The following LNPEP variants were observed in gnomAD, a reference collection of about 807,000 sequenced individuals.
The protein encoded by LNPEP is leucyl-cystinyl aminopeptidase.
Under a neutral mutation model 120.6 loss-of-function variants are expected in LNPEP, and 64 were observed. The observed-to-expected ratio is 0.53, with a 90% CI of 0.43 to 0.65. LNPEP has a LOEUF of 0.65. Among genes scored for constraint, LNPEP ranks in the 30% least tolerant of loss-of-function variants. The pLI is 0.00. For synonymous variants in LNPEP, 435 were observed against 425.4 expected (o/e 1.02, Z -0.28); for missense variants, 1,057 against 1,200.0 (o/e 0.88, Z 1.76).
In LNPEP at chr5:96,982,756, C is replaced by T. The variant is rs115326922; in HGVS notation, c.861-2324C>T. ...TGCAGTTTACCCAATTCGATAGCAA[C>T]AGTTATTTGGGCACACATCCTTAAC... On this transcript the variant is annotated intron_variant, in intron 2 of 17. Coordinates refer to ENST00000231368, the MANE Select transcript of LNPEP (RefSeq NM_005575.3). Among the ~76,000 whole-genome samples the T allele has an allele frequency of 5.9e-3, 898 of 152,194 alleles. 5 individuals are homozygous for T. Among genetic ancestry groups the T allele is most frequent in the South Asian group, 9.1e-3 (44 of 4,816 alleles).
chr5:96,961,278 TCA>T (rs1462444292), intron 1 of LNPEP, among the ~76,000 whole-genome samples: 1 of 152,194 alleles, frequency 6.6e-6, no homozygotes, highest in African/African-American at 2.4e-5. Flanking sequence ...ATTTTCAAAA[TCA>T]CCAGACAGAA....
At chr5:97,010,468 A>T in intron 11 of LNPEP, 1 of 985,344 alleles carries the variant, frequency 1.0e-6, no homozygotes. Context: ...GGGGTATTAG[A>T]GAAGGGAATG....
rs1326514298 is a variant in LNPEP at position 97,003,556 on chromosome 5, C to G, written c.1785+10C>G. ...GGATAGTTTTAATGAGGTAAGTGAC[C>G]TGGGTAATTTATTTAGCTCTTACTG... On this transcript the variant is annotated intron_variant, in intron 9 of 17. Coordinates refer to ENST00000231368, the MANE Select transcript of LNPEP (RefSeq NM_005575.3). The G allele has an allele frequency of 1.3e-6, 2 of 1,570,574 alleles. No homozygotes were observed. Among genetic ancestry groups the G allele is most frequent in the African/African-American group, 2.7e-5 (2 of 73,012 alleles).
chr5:96,985,997 T>C (rs1450151894), intron 3 of LNPEP, among the ~76,000 whole-genome samples: 1 of 152,134 alleles, frequency 6.6e-6, no homozygotes, highest in Non-Finnish European at 1.5e-5. Context: ...CTTTAATTTG[T>C]GGTTGGAAAA....
intron 1 of LNPEP, among the ~76,000 whole-genome samples, chr5:96,963,353 G>A (rs1369408978): frequency 6.6e-6 from 1 of 152,146 alleles, no homozygotes; most frequent in Non-Finnish European, 1.5e-5. Flanking sequence ...TCAACAGTTT[G>A]GATTATATTC....
At chr5:97,015,753 A>C (rs1368906247) in intron 13 of LNPEP, among the ~76,000 whole-genome samples, 2 of 152,132 alleles carry the variant, frequency 1.3e-5, no homozygotes, top group Non-Finnish European at 2.9e-5. Flanking sequence ...TTGCTTTATA[A>C]ACTAGTGAGA....
intron 4 of LNPEP, among the ~76,000 whole-genome samples, chr5:96,992,597 T>A (rs565726493): frequency 6.6e-6 from 1 of 152,138 alleles, no homozygotes; most frequent in Admixed American, 6.6e-5. Context: ...CCTGAAAGGA[T>A]GAAAATTTAG....
rs1791397942 is a variant in LNPEP at position 97,028,468 on chromosome 5, G to A, written c.3013G>A (p.Glu1005Lys). 3 of 1,613,882 alleles carry A rather than the reference G, an allele frequency of 1.9e-6. No individual in the cohort carries two copies. The highest frequency in any genetic ancestry group is 1.3e-5 in the African/African-American group (1 of 74,914). ...FRLRCVQEALEVIQLNIQWME... is the reference protein window; with the variant it reads ...FRLRCVQEALKVIQLNIQWME... ...GCTTCGTTGTGTCCAGGAGGCTTTGGAAGTCATTCAGTTGAATATCCAGTG... is the reference window on the plus strand; with the variant it reads ...GCTTCGTTGTGTCCAGGAGGCTTTGAAAGTCATTCAGTTGAATATCCAGTG... Residue 1005 changes from glutamate to lysine, a missense_variant, in exon 18 of 18, where the codon GAA (glutamate) becomes AAA (lysine). Transcript: ENST00000231368.
intron 1 of LNPEP, among the ~76,000 whole-genome samples, chr5:96,959,194 G>A (rs944540474): frequency 6.6e-6 from 1 of 152,096 alleles, no homozygotes; most frequent in African/African-American, 2.4e-5. Context: ...TGGACATTTT[G>A]GGGGCTGGGG....
At chr5:96,950,694 G>A (rs546210441) in intron 1 of LNPEP, among the ~76,000 whole-genome samples, 1 of 152,326 alleles carries the variant, frequency 6.6e-6, no homozygotes, top group East Asian at 1.9e-4. Context: ...GGATGTTTCT[G>A]TACTGATGTT....
intron 2 of LNPEP, among the ~76,000 whole-genome samples, chr5:96,981,664 G>A (rs899273102): frequency 1.3e-5 from 2 of 152,154 alleles, no homozygotes; most frequent in African/African-American, 2.4e-5. Flanking sequence ...CATATTTCTT[G>A]TTGATTGGAA....
chr5:96,979,217 G>A lies in LNPEP; in HGVS notation c.99G>A (p.Glu33=). 6.2e-7 allele frequency: 1 copy of A among 1,613,894 alleles called. No homozygotes were observed. The highest frequency in any genetic ancestry group is 8.5e-7 in the Non-Finnish European group (1 of 1,179,880). The change falls in exon 2 of 18, where the codon GAG becomes GAA. Residue 33 remains glutamate (E), a synonymous_variant. Coordinates refer to ENST00000231368, the MANE Select transcript of LNPEP (RefSeq NM_005575.3). ...EEPDVVDLAK[E]PCLHPLEPDE... is the part of the protein sequence containing the mutation. ...CAGATGTGGTGGATTTAGCCAAAGAGCCTTGTTTACATCCTCTAGAGCCTG... is the reference window on the plus strand; with the variant it reads ...CAGATGTGGTGGATTTAGCCAAAGAACCTTGTTTACATCCTCTAGAGCCTG...
chr5:96,957,461 G>T (rs1046670995), intron 1 of LNPEP, among the ~76,000 whole-genome samples: 2 of 152,108 alleles, frequency 1.3e-5, no homozygotes, highest in Non-Finnish European at 2.9e-5. Context: ...TAGAGTTGCG[G>T]TTGCTAATCA....
intron 1 of LNPEP, among the ~76,000 whole-genome samples, chr5:96,971,780 G>A (rs777406367): frequency 1.3e-5 from 2 of 150,914 alleles, no homozygotes; most frequent in Admixed American, 6.6e-5. Context: ...ATTTCCCCAC[G>A]GAGAGTCTCA....
intron 13 of LNPEP, among the ~76,000 whole-genome samples, chr5:97,016,730 A>T (rs1200456434): frequency 6.6e-6 from 1 of 152,014 alleles, no homozygotes; most frequent in East Asian, 1.9e-4. Flanking sequence ...AACTTAAGAG[A>T]TTTTTTTTAT....
At chr5:97,011,067 T>C in intron 11 of LNPEP, 1 of 985,462 alleles carries the variant, frequency 1.0e-6, no homozygotes, top group Non-Finnish European at 1.2e-6. Context: ...GTTTACAACA[T>C]GGCAAGCTGC....
intron 14 of LNPEP, among the ~76,000 whole-genome samples, chr5:97,024,055 G>A (rs1401307066): frequency 6.6e-6 from 1 of 152,144 alleles, no homozygotes. Context: ...GAAGAGTTGG[G>A]GTGGAGGATT....
chr5:96,968,614 G>A (rs1789784850), intron 1 of LNPEP, among the ~76,000 whole-genome samples: 1 of 151,972 alleles, frequency 6.6e-6, no homozygotes, highest in South Asian at 2.1e-4. Flanking sequence ...AGGAAAATTG[G>A]TCAGAGTAAG....
intron 13 of LNPEP, among the ~76,000 whole-genome samples, chr5:97,020,138 T>C (rs1372227612): frequency 2.0e-5 from 3 of 152,224 alleles, no homozygotes; most frequent in Non-Finnish European, 4.4e-5. Flanking sequence ...TCTATTCTCA[T>C]ATTCAACTCC....
Sources: gnomAD v4.1 joint callset for allele counts (sites outside exome capture counted in the v4.1 genomes callset) on GRCh38, gnomAD v4.1.1 for gene constraint, MANE v1.5 for transcripts, NCBI Gene and HGNC (gene_info 2026-07-23, HGNC 2026-07-21) for gene names.